MAMDC2: variants seen among roughly 807,000 people sequenced by gnomAD.
MAMDC2 encodes MAM domain-containing protein 2.
MAMDC2 carries 57 observed loss-of-function variants against 89.8 expected under a neutral mutation model. The observed-to-expected ratio is 0.63, with a 90% CI of 0.51 to 0.79. The LOEUF (loss-of-function observed/expected upper bound fraction) is 0.79, where lower values mean the gene tolerates loss of function less well. Among genes scored for constraint, MAMDC2 ranks in the 30% least tolerant of loss-of-function variants. The pLI is 0.00. For missense variants in MAMDC2, 800 were observed against 820.6 expected (o/e 0.97, Z 0.31); for synonymous variants, 313 against 293.4 (o/e 1.07, Z -0.68).
rs367737126 is a variant in MAMDC2 at position 70,208,073 on chromosome 9, C to T, written c.1652-10264C>T. ...TTTGCAGTCCGGTAGCGTAATGCTTCCAGCTTTGTTCTTTTGGCTTAGGAT... is the reference window on the plus strand; with the variant it reads ...TTTGCAGTCCGGTAGCGTAATGCTTTCAGCTTTGTTCTTTTGGCTTAGGAT... On this transcript the variant is annotated intron_variant, in intron 11 of 13. Transcript: ENST00000377182. 1.6e-4 allele frequency among the ~76,000 whole-genome samples: 24 copies of T among 152,256 alleles called. No individual in the cohort carries two copies. The East Asian group carries it at 4.4e-3, about 28-fold the overall frequency.
intron 2 of MAMDC2, among the ~76,000 whole-genome samples, chr9:70,072,152 T>A (rs1045807845): frequency 3.9e-5 from 6 of 152,196 alleles, no homozygotes; most frequent in Admixed American, 2.0e-4. Context: ...TTTGGTAATT[T>A]GGGGAAGGTA....
chr9:70,046,557 G>C (rs1378759690), intron 2 of MAMDC2, among the ~76,000 whole-genome samples: 2 of 152,190 alleles, frequency 1.3e-5, no homozygotes, highest in South Asian at 2.1e-4. Flanking sequence ...CTGGTCAGTG[G>C]GCATGCCACA....
At chr9:70,222,999 T>C (rs2033592373) in intron 12 of MAMDC2, among the ~76,000 whole-genome samples, 2 of 151,730 alleles carry the variant, frequency 1.3e-5, no homozygotes, top group African/African-American at 4.8e-5. Flanking sequence ...ATTAGCCAGG[T>C]TTGGTGGTGC....
rs1464357721 is a variant in MAMDC2, at chr9:70,163,231, T to TTC, written c.1405-5470_1405-5469insCT. Among the ~76,000 whole-genome samples, 146 of 127,284 alleles carry TTC rather than the reference T, an allele frequency of 1.1e-3. 2 individuals are homozygous for TTC. The South Asian group carries it at 0.017, about 15-fold the overall frequency. The allele number at this position is 127,284 out of a possible 152,430, so 83.5% of individuals were successfully genotyped here. On this transcript the variant is annotated intron_variant, in intron 9 of 13. Coordinates refer to ENST00000377182, the MANE Select transcript of MAMDC2 (RefSeq NM_153267.5). ...GGCTTCAGGATATTTCTTTCTTTCT[T>TTC]TTTTTTTTTTTTTTTTAGACAGAGT...
chr9:70,204,755 G>A (rs1050102593), intron 11 of MAMDC2, among the ~76,000 whole-genome samples: 4 of 152,088 alleles, frequency 2.6e-5, no homozygotes, highest in African/African-American at 4.8e-5. Flanking sequence ...ATATAGTCTC[G>A]TGGTGCGCCG....
intron 7 of MAMDC2, 118 bp downstream of exon 7, chr9:70,131,730 A>T: frequency 1.3e-6 from 1 of 762,078 alleles, no homozygotes; most frequent in African/African-American, 1.8e-5. Flanking sequence ...TGTCATCCTT[A>T]AAAAATTATT....
intron 9 of MAMDC2, among the ~76,000 whole-genome samples, chr9:70,166,268 T>TACAC (rs1401822378): frequency 5.6e-5 from 2 of 35,480 alleles, no homozygotes; most frequent in African/African-American, 1.1e-4. Context: ...CAGAAATATA[T>TACAC]ATATATATAC....
At chr9:70,151,028 G>A (rs576511435) in intron 9 of MAMDC2, among the ~76,000 whole-genome samples, 1 of 152,268 alleles carries the variant, frequency 6.6e-6, no homozygotes, top group South Asian at 2.1e-4. Flanking sequence ...CCTTCATTCT[G>A]CCACATTCAT....
intron 2 of MAMDC2, among the ~76,000 whole-genome samples, chr9:70,046,115 G>A (rs1826745347): frequency 1.3e-5 from 2 of 152,158 alleles, no homozygotes; most frequent in African/African-American, 2.4e-5. Flanking sequence ...TCCAGCACGG[G>A]GCTTCTCAAA....
At chr9:70,169,081 C>T (rs900563543) in intron 10 of MAMDC2, among the ~76,000 whole-genome samples, 3 of 152,158 alleles carry the variant, frequency 2.0e-5, no homozygotes, top group Non-Finnish European at 2.9e-5. Flanking sequence ...CAAAACAGTG[C>T]TTTAAAAACA....
chr9:70,159,279 C>T (rs946387655), intron 9 of MAMDC2, among the ~76,000 whole-genome samples: 7 of 152,000 alleles, frequency 4.6e-5, no homozygotes, highest in Non-Finnish European at 1.0e-4. Flanking sequence ...TGGTTATGCA[C>T]AAAGATTTAG....
chr9:70,053,952 T>C (rs72709197), intron 2 of MAMDC2, among the ~76,000 whole-genome samples: 15,337 of 152,148 alleles, frequency 0.1, 865 homozygotes, highest in East Asian at 0.21. Flanking sequence ...ATTAAGTTGG[T>C]AGGGCTTGAG....
chr9:70,138,764 G>T (rs1323692491), intron 7 of MAMDC2, among the ~76,000 whole-genome samples: 2 of 152,092 alleles, frequency 1.3e-5, no homozygotes, highest in African/African-American at 4.8e-5. Flanking sequence ...ATAGAACAGG[G>T]TAAATAATAC....
At chr9:70,141,370 T>G (rs1345938828) in intron 8 of MAMDC2, among the ~76,000 whole-genome samples, 1 of 152,126 alleles carries the variant, frequency 6.6e-6, no homozygotes, top group Non-Finnish European at 1.5e-5. Context: ...AATAAAACAT[T>G]CAAGCAGATT....
intron 9 of MAMDC2, among the ~76,000 whole-genome samples, chr9:70,155,688 A>G (rs2031736742): frequency 6.6e-6 from 1 of 152,118 alleles, no homozygotes; most frequent in Non-Finnish European, 1.5e-5. Context: ...ATGTATCTTC[A>G]ATTATTGTCT....
intron 2 of MAMDC2, among the ~76,000 whole-genome samples, chr9:70,057,999 T>C (rs148293086): frequency 6.6e-6 from 1 of 152,356 alleles, no homozygotes; most frequent in African/African-American, 2.4e-5. Context: ...TAAAAATTTT[T>C]ATCCTTAGAT....
chr9:70,109,735 G>T lies in MAMDC2; in HGVS notation c.436G>T (p.Val146Leu). 6.2e-7 allele frequency: 1 copy of T among 1,613,724 alleles called. No homozygotes were observed. Among genetic ancestry groups the T allele is most frequent in the East Asian group, 2.2e-5 (1 of 44,882 alleles). ...SKKFKILIEG[V>L]LGQGNTASIA... The stretch of plus-strand genomic sequence containing the variant: ...TGTTGTGCAGATTTTAATAGAAGGT[G>T]TACTAGGACAGGGAAACACAGCCAG... The change falls in exon 4 of 14, where the codon GTA becomes TTA. Residue 146 changes from valine to leucine, a missense_variant. Coordinates refer to ENST00000377182, the MANE Select transcript of MAMDC2 (RefSeq NM_153267.5).
At position 70,089,495 on chromosome 9, in the gene MAMDC2, G is replaced by C. The variant is rs538407435; in HGVS notation, c.149-18716G>C. Among the ~76,000 whole-genome samples the C allele has an allele frequency of 2.6e-4, 39 of 152,212 alleles. No homozygotes were observed. In the South Asian group the frequency reaches 7.7e-3, roughly 30 times the overall value. On this transcript the variant is annotated intron_variant, in intron 2 of 13. Transcript: ENST00000377182. ...GCTGTTCAGTGTGCACTCTAGTAGG[G>C]ACTGGCTGAGAGCTGGCAGGAAAAT...
intron 11 of MAMDC2, among the ~76,000 whole-genome samples, chr9:70,193,194 A>G (rs1373383789): frequency 1.3e-5 from 2 of 152,166 alleles, no homozygotes; most frequent in Non-Finnish European, 2.9e-5. Context: ...TTGTTCAGTT[A>G]TCAGAGAAAC....
Sources: gnomAD v4.1 joint callset for allele counts (sites outside exome capture counted in the v4.1 genomes callset) on GRCh38, gnomAD v4.1.1 for gene constraint, MANE v1.5 for transcripts, NCBI Gene and HGNC (gene_info 2026-07-23, HGNC 2026-07-21) for gene names.